ZC3H3: variants seen among roughly 807,000 people sequenced by gnomAD.
ZC3H3 encodes the protein zinc finger CCCH-type containing 3.
A neutral mutation model predicts 77.3 loss-of-function variants in ZC3H3; 36 were observed. The observed-to-expected ratio is 0.47, with a 90% CI of 0.36 to 0.61. The LOEUF is 0.61. Among genes scored for constraint, ZC3H3 ranks in the 20% least tolerant of loss-of-function variants. The pLI is 0.00. For synonymous variants in ZC3H3, 626 were observed against 555.2 expected (o/e 1.13, Z -1.79); for missense variants, 1,331 against 1,312.2 (o/e 1.01, Z -0.22).
chr8:143,478,734 T>C (rs1415448310), intron 4 of ZC3H3, among the ~76,000 whole-genome samples: 2 of 152,232 alleles, frequency 1.3e-5, no homozygotes, highest in Non-Finnish European at 2.9e-5. Context: ...GGTCTCGAAC[T>C]CCTGACCTCA....
At chr8:143,480,594 A>T (rs1010761517) in intron 4 of ZC3H3, among the ~76,000 whole-genome samples, 2 of 152,186 alleles carry the variant, frequency 1.3e-5, no homozygotes, top group African/African-American at 4.8e-5. Flanking sequence ...GCCTGCCCCC[A>T]GGGTGACAGC....
intron 8 of ZC3H3, among the ~76,000 whole-genome samples, chr8:143,466,956 C>A (rs1411843393): frequency 1.3e-5 from 2 of 152,084 alleles, no homozygotes; most frequent in Admixed American, 1.3e-4. Flanking sequence ...GGGAAAGGAA[C>A]TTGTCTAAGG....
intron 3 of ZC3H3, among the ~76,000 whole-genome samples, chr8:143,523,731 C>T (rs1485416325): frequency 6.6e-6 from 1 of 152,232 alleles, no homozygotes; most frequent in East Asian, 1.9e-4. Context: ...CCCTGAATCA[C>T]CCCGAGATAA....
rs548812269 is a variant in ZC3H3 at position 143,473,078 on chromosome 8, T to C, written c.1903+2320A>G. On this transcript the variant is annotated intron_variant, in intron 5 of 11. Coordinates refer to ENST00000262577, the MANE Select transcript of ZC3H3 (RefSeq NM_015117.3). ...GGCTCTCGCGTACGTCAGGACATCA[T>C]GGTCTCCATGGCTGCTGTCTTGGCC... Among the ~76,000 whole-genome samples, 146 of 152,324 alleles carry C rather than the reference T, an allele frequency of 9.6e-4. 5 individuals carry two copies. In the South Asian group the frequency reaches 0.03, roughly 31 times the overall value.
intron 9 of ZC3H3, among the ~76,000 whole-genome samples, chr8:143,450,672 A>T (rs1204154445): frequency 6.6e-6 from 1 of 152,126 alleles, no homozygotes; most frequent in African/African-American, 2.4e-5. Flanking sequence ...AGGTCGAGAG[A>T]GGGAGGAGGT....
chr8:143,459,767 GT>G (rs59381697), intron 9 of ZC3H3, among the ~76,000 whole-genome samples: 18,397 of 151,908 alleles, frequency 0.12, 1,221 homozygotes, highest in South Asian at 0.18. Context: ...ACCATTTCAT[GT>G]TTAAAAAAAA....
rs1278624735 is a variant in ZC3H3, at chr8:143,535,692, C to T, written c.1561+565G>A. 2.0e-5 allele frequency among the ~76,000 whole-genome samples: 3 copies of T among 152,268 alleles called. No individual in the cohort carries two copies. In the East Asian group the frequency reaches 5.8e-4, roughly 29 times the overall value. ...ACGCCCCACAATCTGCAGGCCGGGG[C>T]CTTCCCAGGCCACCACAGGGGCTCT... On this transcript the variant is annotated intron_variant, in intron 3 of 11. Coordinates refer to ENST00000262577, the MANE Select transcript of ZC3H3 (RefSeq NM_015117.3).
intron 9 of ZC3H3, among the ~76,000 whole-genome samples, chr8:143,447,917 T>C (rs970408844): frequency 2.6e-5 from 4 of 151,856 alleles, no homozygotes; most frequent in Admixed American, 6.6e-5. Context: ...TTGCCTGAGG[T>C]CAGGAGTTCG....
chr8:143,476,500 C>G (rs1026014387), intron 4 of ZC3H3, among the ~76,000 whole-genome samples: 2 of 152,212 alleles, frequency 1.3e-5, no homozygotes, highest in African/African-American at 4.8e-5. Context: ...AGCTGCACTC[C>G]AGAGGCACCT....
At chr8:143,540,752 TAGAG>T (rs1478085118) in intron 1 of ZC3H3, among the ~76,000 whole-genome samples, 2 of 151,636 alleles carry the variant, frequency 1.3e-5, no homozygotes, top group Non-Finnish European at 2.9e-5. Context: ...GGTCGGGAGT[TAGAG>T]ACCATCCTGG....
intron 4 of ZC3H3, among the ~76,000 whole-genome samples, chr8:143,483,545 C>T (rs73715622): frequency 0.026 from 3,983 of 152,242 alleles, 169 homozygotes; most frequent in African/African-American, 0.091. Flanking sequence ...CAGGGAGGGG[C>T]GCTCAGGCCA....
At chr8:143,480,887 G>A (rs1820890344) in intron 4 of ZC3H3, among the ~76,000 whole-genome samples, 1 of 152,204 alleles carries the variant, frequency 6.6e-6, no homozygotes, top group Admixed American at 6.5e-5. Flanking sequence ...GTGGTAAGGG[G>A]ACTGGGGGAG....
chr8:143,457,755 T>C (rs751484111), intron 9 of ZC3H3, among the ~76,000 whole-genome samples: 2 of 152,088 alleles, frequency 1.3e-5, no homozygotes, highest in Non-Finnish European at 2.9e-5. Context: ...TAGTCCCACC[T>C]ACTCAGGACG....
At chr8:143,541,260 A>C (rs1348351481) in intron 1 of ZC3H3, 116 bp downstream of exon 1, 1 of 1,546,642 alleles carries the variant, frequency 6.5e-7, no homozygotes. Flanking sequence ...CCCCCACCCC[A>C]GCCGCCACCC....
chr8:143,446,793 T>C (rs1415830365), intron 9 of ZC3H3, among the ~76,000 whole-genome samples: 1 of 152,268 alleles, frequency 6.6e-6, no homozygotes, highest in Non-Finnish European at 1.5e-5. Context: ...TGCCTGGCCA[T>C]GCACTGAGGC....
chr8:143,465,076 T>C (rs1451823849), intron 9 of ZC3H3, among the ~76,000 whole-genome samples: 1 of 152,002 alleles, frequency 6.6e-6, no homozygotes, highest in East Asian at 1.9e-4. Context: ...CAGGTGAGCC[T>C]GTGAGTGCCT....
chr8:143,539,268 G>C lies in ZC3H3; in HGVS notation c.99C>G (p.Thr33=), dbSNP rs779643715. 5.6e-6 allele frequency: 9 copies of C among 1,612,724 alleles called. No individual in the cohort carries two copies. In the Admixed American group the frequency reaches 1.5e-4, roughly 27 times the overall value. ...GTGGCTGCCACCCAGAAGCTGCTGGGGTACCAGGGGCCGGGGCATTGCCGT... is the reference window on the plus strand; with the variant it reads ...GTGGCTGCCACCCAGAAGCTGCTGGCGTACCAGGGGCCGGGGCATTGCCGT... ...TLHGNAPAPG[T]PAASGWQPPT... is the part of the protein sequence containing the mutation. The change falls in exon 2 of 12, where the codon ACC becomes ACG. Residue 33 remains threonine, a synonymous_variant. Transcript: ENST00000262577.
intron 9 of ZC3H3, among the ~76,000 whole-genome samples, chr8:143,463,280 C>A (rs190740117): frequency 6.7e-6 from 1 of 149,870 alleles, no homozygotes; most frequent in East Asian, 2.0e-4. Context: ...CCACCGCGCC[C>A]GGCCCAGACC....
intron 9 of ZC3H3, among the ~76,000 whole-genome samples, chr8:143,451,487 T>TG (rs1183135717): frequency 6.6e-6 from 1 of 151,916 alleles, no homozygotes; most frequent in African/African-American, 2.4e-5. Context: ...GATCCACTTC[T>TG]GGGGGAAAAT....
Sources: allele counts gnomAD v4.1 joint callset (sites outside exome capture counted in the v4.1 genomes callset), GRCh38; gene constraint gnomAD v4.1.1; transcripts MANE v1.5; gene names NCBI Gene and HGNC (gene_info 2026-07-23, HGNC 2026-07-21).